UBFD1: variants seen among roughly 807,000 people sequenced by gnomAD.
UBFD1 encodes ubiquitin family domain containing 1, also known as ubiquitin domain-containing protein UBFD1.
UBFD1 carries 12 observed loss-of-function variants against 35.1 expected under a neutral mutation model. The ratio of observed to expected loss-of-function variants is 0.34; its 90% CI spans 0.22 to 0.55. The LOEUF is 0.55. Among genes scored for constraint, UBFD1 ranks in the 20% least tolerant of loss-of-function variants. The pLI, the probability that UBFD1 is intolerant of heterozygous loss-of-function variation, is 0.89. For missense variants in UBFD1, 337 were observed against 410.8 expected, an observed-to-expected ratio of 0.82 and a Z score of 1.55; for synonymous variants, 178 against 167.6, an observed-to-expected ratio of 1.06 and a Z score of -0.48.
rs753141227 is a variant in UBFD1 at position 23,558,294 on chromosome 16, G to A, written c.355+15G>A. The A allele has an allele frequency of 1.9e-6, 3 of 1,591,878 alleles. No individual in the cohort carries two copies. The highest frequency in any genetic ancestry group is 1.7e-5 in the Admixed American group (1 of 57,204). On this transcript the variant is annotated intron_variant, in intron 2 of 6. Coordinates refer to ENST00000395878, the MANE Select transcript of UBFD1 (RefSeq NM_019116.3). The stretch of plus-strand genomic sequence containing the variant: ...CTCGATTACAGGTAATTCCTGTGGC[G>A]CTGACAGCCAGTCTTCCCCACCCCG...
intron 2 of UBFD1, among the ~76,000 whole-genome samples, chr16:23,558,533 A>G (rs1253025852): frequency 6.6e-6 from 1 of 152,182 alleles, no homozygotes; most frequent in African/African-American, 2.4e-5. Flanking sequence ...TTGCTCTAAC[A>G]TCTCTAATTA....
At chr16:23,568,221 G>A (rs944460303) in intron 6 of UBFD1, among the ~76,000 whole-genome samples, 12 of 148,130 alleles carry the variant, frequency 8.1e-5, no homozygotes, top group Admixed American at 2.0e-4. Flanking sequence ...GTGCAGTGGC[G>A]CTATCTCGGC....
At chr16:23,559,383 G>T in intron 2 of UBFD1, 85 bp from the exon 3 acceptor site, 3 of 1,197,854 alleles carry the variant, frequency 2.5e-6, no homozygotes, top group Non-Finnish European at 3.5e-6. Context: ...TTCACTTTTT[G>T]GTCTGTTACC....
rs1482658676 is a variant in UBFD1 at position 23,572,123 on chromosome 16, T to TTAG, written c.*1534_*1535insAGT. ...AATGATGATATTCTACGCCCTTCCC[T>TTAG]TCTAAGCTGTAGTTCAGGAATCCAG... is the stretch of plus-strand genomic sequence containing the variant. On this transcript the variant is annotated 3_prime_UTR_variant, in exon 7 of 7. Transcript: ENST00000395878. 1 of 152,688 alleles carries TTAG rather than the reference T, an allele frequency of 6.5e-6. No homozygotes were observed. The highest frequency in any genetic ancestry group is 6.5e-5 in the Admixed American group (1 of 15,284). 9.5% of individuals were successfully genotyped at this position (152,688 alleles called of 1,614,324 possible). A position where few individuals can be genotyped will look rare whatever the true frequency, so the allele number is the denominator to read the frequency against.
At chr16:23,557,886 C>T (rs111649377) in intron 1 of UBFD1, 64 bp from the exon 2 acceptor site, 19,327 of 1,270,124 alleles carry the variant, frequency 0.015, 183 homozygotes, top group Middle Eastern at 0.03. Context: ...TCCGGCGGCG[C>T]CCGGACAGCG....
In UBFD1 at chr16:23,570,952, A is replaced by ATTTTT. The variant is rs1287641963; in HGVS notation, c.*362_*363insTTTTT. On this transcript the variant is annotated 3_prime_UTR_variant, in exon 7 of 7. Transcript: ENST00000395878. ...GATCAAAAGCTTTGTTTTTTTTAAA[A>ATTTTT]AAAAAAAAAGCAGTTTCAATTGAAA... 6.0e-5 allele frequency: 9 copies of ATTTTT among 150,002 alleles called. No homozygotes were observed. The highest frequency in any genetic ancestry group is 5.7e-4 in the Admixed American group (8 of 14,074). 9.3% of individuals were successfully genotyped at this position (150,002 alleles called of 1,614,324 possible).
intron 2 of UBFD1, 37 bp from the exon 3 acceptor site, chr16:23,559,431 C>T (rs374329841): frequency 3.8e-6 from 6 of 1,582,918 alleles, no homozygotes; most frequent in Non-Finnish European, 5.2e-6. Flanking sequence ...TTCTGTCCTT[C>T]CTTCCTTTCA....
intron 5 of UBFD1, 104 bp from the exon 6 acceptor site, chr16:23,566,883 T>C (rs1966018857): frequency 9.2e-7 from 1 of 1,085,800 alleles, no homozygotes; most frequent in Non-Finnish European, 1.4e-6. Flanking sequence ...CACTTGAGTT[T>C]ACTGTAGATC....
In UBFD1 at chr16:23,571,833, T is replaced by A. The variant is rs920806450; in HGVS notation, c.*1243T>A. 2 of 152,694 alleles carry A rather than the reference T, an allele frequency of 1.3e-5. No individual in the cohort carries two copies. Among genetic ancestry groups the A allele is most frequent in the Admixed American group, 1.3e-4 (2 of 15,288 alleles). 9.5% of individuals were successfully genotyped at this position (152,694 alleles called of 1,614,324 possible). ...CTGGTTTTAGCCCTTCTGTTCTCTG[T>A]ACACGTGAACTTCTGTCATCTCCTT... On this transcript the variant is annotated 3_prime_UTR_variant, in exon 7 of 7. Coordinates refer to ENST00000395878, the MANE Select transcript of UBFD1 (RefSeq NM_019116.3).
In UBFD1 at chr16:23,557,730, G is replaced by A. The variant is rs370722442; in HGVS notation, c.-13G>A. 2.7e-5 allele frequency: 36 copies of A among 1,349,330 alleles called. No homozygotes were observed. The highest frequency in any genetic ancestry group is 3.1e-5 in the Non-Finnish European group (33 of 1,049,318). The allele number at this position is 1,349,330 out of a possible 1,614,324, so 83.6% of individuals were successfully genotyped here. ...GGCCTCTGCGGGAGCGGTGGGTGTT[G>A]TACACAATCATCATGGCGGCGGCCG... On this transcript the variant is annotated 5_prime_UTR_variant, in exon 1 of 7. Coordinates refer to ENST00000395878, the MANE Select transcript of UBFD1 (RefSeq NM_019116.3).
At chr16:23,559,228 A>G (rs1267492603) in intron 2 of UBFD1, 1 of 405,074 alleles carries the variant, frequency 2.5e-6, no homozygotes, top group Non-Finnish European at 4.5e-6. Flanking sequence ...CCACCGTACT[A>G]AATGCCCCGC....
rs1567399501 is a variant in UBFD1 at position 23,562,667 on chromosome 16, T to C, written c.673T>C (p.Ser225Pro). Reference protein sequence around the residue: ...TVPLSGMYNKSGGKVRLTFKL... With the variant: ...TVPLSGMYNKPGGKVRLTFKL... The stretch of plus-strand genomic sequence containing the variant: ...ACCGCTGTCCGGCATGTACAATAAA[T>C]CTGGAGGAAAAGTGAGACTCACCTT... Residue 225 changes from serine (S) to proline (P), a missense_variant, in exon 5 of 7, where the codon TCT becomes CCT. By Grantham distance (74) the Ser-to-Pro change is moderately conservative. Coordinates refer to ENST00000395878, the MANE Select transcript of UBFD1 (RefSeq NM_019116.3). 6.2e-7 allele frequency: 1 copy of C among 1,614,174 alleles called. No individual in the cohort carries two copies.
intron 4 of UBFD1, 78 bp downstream of exon 4, chr16:23,562,349 C>T: frequency 1.5e-6 from 2 of 1,367,556 alleles, no homozygotes; most frequent in South Asian, 1.3e-5. Context: ...CAATCCTGTC[C>T]CTTCTCTTTT....
intron 6 of UBFD1, among the ~76,000 whole-genome samples, chr16:23,567,625 G>C (rs554988204): frequency 5.4e-4 from 83 of 152,374 alleles, no homozygotes; most frequent in African/African-American, 1.9e-3. Flanking sequence ...AGAATGTTTG[G>C]AGGTGTTGTG....
In UBFD1 at chr16:23,558,128, G is replaced by C; in HGVS notation, c.204G>C (p.Gln68His). Reference sequence around the variant, plus strand: ...AGCCCCCTGGGGACCCCGCAGCCCAGGCCTCGGTCAGCAACGGCGAAGACG... The same window carrying C: ...AGCCCCCTGGGGACCCCGCAGCCCACGCCTCGGTCAGCAACGGCGAAGACG... ...PAQPPGDPAA[Q>H]ASVSNGEDAG... The change falls in exon 2 of 7, where the codon CAG (glutamine) becomes CAC (histidine). Residue 68 changes from glutamine to histidine, a missense_variant. Transcript: ENST00000395878. 1 of 1,601,640 alleles carries C rather than the reference G, an allele frequency of 6.2e-7. No homozygotes were observed. Among genetic ancestry groups the C allele is most frequent in the African/African-American group, 1.4e-5 (1 of 73,808 alleles).
At chr16:23,567,235 C>T (rs1028532793) in intron 6 of UBFD1, among the ~76,000 whole-genome samples, 166 bp downstream of exon 6, 14 of 152,146 alleles carry the variant, frequency 9.2e-5, no homozygotes, top group Admixed American at 9.2e-4. Context: ...TAATCCATGG[C>T]CTCTATTCCT....
At chr16:23,558,346 AGGCACCTGGT>A in intron 2 of UBFD1, 67 bp downstream of exon 2, 1 of 1,555,856 alleles carries the variant, frequency 6.4e-7, no homozygotes, top group South Asian at 1.2e-5. Flanking sequence ...GCACCCTACT[AGGCACCTGGT>A]GGCTTTCCTT....
At position 23,562,277 on chromosome 16, in the gene UBFD1, G is replaced by C. The variant is rs755199770; in HGVS notation, c.630+6G>C. The C allele has an allele frequency of 6.2e-7, 1 of 1,613,722 alleles. No individual in the cohort carries two copies. Among genetic ancestry groups the C allele is most frequent in the Non-Finnish European group, 8.5e-7 (1 of 1,179,846 alleles). On this transcript the variant is annotated splice_donor_region_variant and intron_variant, in intron 4 of 6. Coordinates refer to ENST00000395878, the MANE Select transcript of UBFD1 (RefSeq NM_019116.3). ...CATCTGTTAAGGGGGCCCAGGTAAG[G>C]CGGATTTCTTTGTGAGCATTCTGAA... is the stretch of plus-strand genomic sequence containing the variant.
intron 6 of UBFD1, among the ~76,000 whole-genome samples, chr16:23,567,323 G>C (rs1185169033): frequency 1.3e-5 from 2 of 152,162 alleles, no homozygotes; most frequent in Non-Finnish European, 2.9e-5. Flanking sequence ...ACCTCTTTTA[G>C]AAAAGTCTCT....
Sources: allele counts gnomAD v4.1 joint callset (sites outside exome capture counted in the v4.1 genomes callset), GRCh38; gene constraint gnomAD v4.1.1; transcripts MANE v1.5; gene names NCBI Gene and HGNC (gene_info 2026-07-23, HGNC 2026-07-21).